The following XPO4 variants were observed in gnomAD, a reference collection of about 807,000 sequenced individuals.
XPO4 encodes the protein exportin 4.
In XPO4, 39 loss-of-function variants were observed where a neutral mutation model predicts 143.0. The ratio of observed to expected loss-of-function variants is 0.27; its 90% CI spans 0.21 to 0.36. The LOEUF is 0.36. Ranked by LOEUF, XPO4 falls within the 10% of genes least tolerant of loss-of-function variation. The probability of loss-of-function intolerance (pLI) is 1.00; values close to 1 mark genes in which losing one functional copy is unlikely to be tolerated. For missense variants in XPO4, 907 were observed against 1,348.0 expected (o/e 0.67, Z 5.12); for synonymous variants, 439 against 474.0 (o/e 0.93, Z 0.96).
chr13:20,799,250 G>A lies in XPO4; in HGVS notation c.2237C>T (p.Pro746Leu). 1 of 1,613,982 alleles carries A rather than the reference G, an allele frequency of 6.2e-7. No individual in the cohort carries two copies. Among genetic ancestry groups the A allele is most frequent in the Non-Finnish European group, 8.5e-7 (1 of 1,179,930 alleles). ...AGCCTTCATCAATGTCCTCTGCACA[G>A]GACTTGACAAGAAATTAAGAGGTGG... ...RSPPLNFLSS[P>L]VQRTLMKALV... Residue 746 changes from proline (P) to leucine (L), a missense_variant, in exon 16 of 23, where the codon CCT becomes CTT. Transcript: ENST00000255305.
chr13:20,838,945 T>C (rs770387669), intron 6 of XPO4, among the ~76,000 whole-genome samples: 36 of 152,146 alleles, frequency 2.4e-4, no homozygotes, highest in Non-Finnish European at 1.8e-4. Flanking sequence ...ACAAAATGGA[T>C]GAATCTTGAA....
intron 1 of XPO4, among the ~76,000 whole-genome samples, chr13:20,887,651 TTGAGA>T (rs1176573492): frequency 6.6e-6 from 1 of 151,696 alleles, no homozygotes; most frequent in Non-Finnish European, 1.5e-5. Flanking sequence ...AGTCAGGAGT[TTGAGA>T]CCAGCCTGGC....
intron 22 of XPO4, among the ~76,000 whole-genome samples, chr13:20,785,094 C>CCA (rs2059184205): frequency 6.6e-6 from 1 of 152,122 alleles, no homozygotes; most frequent in African/African-American, 2.4e-5. Context: ...TCTCAAGCTC[C>CCA]CAGCCTCAAT....
chr13:20,873,139 T>C (rs7336905), intron 1 of XPO4, among the ~76,000 whole-genome samples: 34,636 of 149,458 alleles, frequency 0.23, 5,646 homozygotes, highest in East Asian at 0.8. Context: ...AAAACTGAGA[T>C]TTGTTTCCAG....
At chr13:20,825,482 C>T (rs2059772583) in intron 7 of XPO4, among the ~76,000 whole-genome samples, 1 of 152,130 alleles carries the variant, frequency 6.6e-6, no homozygotes, top group African/African-American at 2.4e-5. Context: ...GCTACAAACA[C>T]AAAAATTGTT....
intron 4 of XPO4, among the ~76,000 whole-genome samples, chr13:20,853,867 A>T (rs1021258640): frequency 1.6e-4 from 25 of 152,312 alleles, no homozygotes; most frequent in African/African-American, 6.0e-4. Context: ...CATATTGGGG[A>T]GCACAGACAT....
At chr13:20,819,489 G>A (rs1039832376) in intron 9 of XPO4, among the ~76,000 whole-genome samples, 75 of 152,068 alleles carry the variant, frequency 4.9e-4, no homozygotes, top group African/African-American at 1.3e-3. Context: ...GTGAAACCCC[G>A]TCTCTACTAA....
chr13:20,865,589 T>C, intron 2 of XPO4: 1 of 969,576 alleles, frequency 1.0e-6, no homozygotes, highest in Non-Finnish European at 1.2e-6. Flanking sequence ...AAAATTCATT[T>C]GAATTTTGTC....
intron 4 of XPO4, chr13:20,848,799 T>C: frequency 1.0e-6 from 1 of 985,350 alleles, no homozygotes; most frequent in Non-Finnish European, 1.2e-6. Context: ...TTTTTGGTTG[T>C]TTATAAATTT....
At position 20,783,719 on chromosome 13, in the gene XPO4, T is replaced by C; in HGVS notation, c.*3A>G. ...ATCTAAATTAAGCATAAAGTTCTGT[T>C]GTTTATTTTACACAAAGGAGACCAC... On this transcript the variant is annotated 3_prime_UTR_variant, in exon 23 of 23. Transcript: ENST00000255305. 6.2e-7 allele frequency: 1 copy of C among 1,613,988 alleles called. No homozygotes were observed. Among genetic ancestry groups the C allele is most frequent in the South Asian group, 1.1e-5 (1 of 91,084 alleles).
intron 1 of XPO4, among the ~76,000 whole-genome samples, chr13:20,898,541 G>A (rs754338667): frequency 6.6e-6 from 1 of 151,978 alleles, no homozygotes; most frequent in Non-Finnish European, 1.5e-5. Flanking sequence ...CTCCAGCCTG[G>A]GCAAGAGTAA....
intron 2 of XPO4, among the ~76,000 whole-genome samples, chr13:20,867,702 G>A (rs762455222): frequency 6.6e-6 from 1 of 151,954 alleles, no homozygotes; most frequent in Non-Finnish European, 1.5e-5. Flanking sequence ...ATTTCAATCT[G>A]GAAACCAGCC....
At chr13:20,851,149 A>G in intron 4 of XPO4, 1 of 985,408 alleles carries the variant, frequency 1.0e-6, no homozygotes, top group Non-Finnish European at 1.2e-6. Flanking sequence ...ACAAATTCTT[A>G]ACAGTCCAAG....
At chr13:20,785,681 A>C (rs1225620515) in intron 22 of XPO4, among the ~76,000 whole-genome samples, 1 of 151,908 alleles carries the variant, frequency 6.6e-6, no homozygotes, top group East Asian at 1.9e-4. Context: ...AAAAAAAAAA[A>C]AGCGAGATAG....
chr13:20,837,047 CATTTT>C (rs543846804), intron 6 of XPO4, among the ~76,000 whole-genome samples: 33 of 152,274 alleles, frequency 2.2e-4, no homozygotes, highest in African/African-American at 7.7e-4. Context: ...GGGTATACCA[CATTTT>C]ATTTATCCAT....
At chr13:20,813,915 G>A (rs2059615485) in intron 9 of XPO4, among the ~76,000 whole-genome samples, 1 of 149,094 alleles carries the variant, frequency 6.7e-6, no homozygotes, top group Non-Finnish European at 1.5e-5. Context: ...CCAATATTAC[G>A]CCACTGCACT....
At chr13:20,819,742 G>A (rs945198859) in intron 9 of XPO4, among the ~76,000 whole-genome samples, 2 of 152,162 alleles carry the variant, frequency 1.3e-5, no homozygotes, top group African/African-American at 4.8e-5. Context: ...ATTACTGGGT[G>A]CCCAAGAAAA....
At chr13:20,819,643 G>C (rs887322838) in intron 9 of XPO4, among the ~76,000 whole-genome samples, 1 of 151,954 alleles carries the variant, frequency 6.6e-6, no homozygotes, top group Non-Finnish European at 1.5e-5. Context: ...CTGGGCGACA[G>C]AGCGAGACTC....
At chr13:20,827,680 A>G (rs1199891803) in intron 6 of XPO4, among the ~76,000 whole-genome samples, 3 of 152,204 alleles carry the variant, frequency 2.0e-5, no homozygotes, top group African/African-American at 4.8e-5. Context: ...GTAAACACAT[A>G]TAATATTAAA....
Sources: gnomAD v4.1 joint callset for allele counts (sites outside exome capture counted in the v4.1 genomes callset) on GRCh38, gnomAD v4.1.1 for gene constraint, MANE v1.5 for transcripts, NCBI Gene and HGNC (gene_info 2026-07-23, HGNC 2026-07-21) for gene names.